The following DCBLD2 variants were observed in gnomAD, a reference collection of about 807,000 sequenced individuals.
The protein encoded by DCBLD2 is discoidin, CUB and LCCL domain-containing protein 2.
DCBLD2 carries 54 observed loss-of-function variants against 86.8 expected under a neutral mutation model. That is an observed-to-expected ratio of 0.62 (90% confidence interval 0.50 to 0.78). The LOEUF (loss-of-function observed/expected upper bound fraction) is 0.78, where lower values mean the gene tolerates loss of function less well. Ranked by LOEUF, DCBLD2 falls within the 30% of genes least tolerant of loss-of-function variation. The probability of loss-of-function intolerance (pLI) is 0.00; values close to 1 mark genes in which losing one functional copy is unlikely to be tolerated. For synonymous variants in DCBLD2, 354 were observed against 341.3 expected, an observed-to-expected ratio of 1.04 and a Z score of -0.41; for missense variants, 908 against 954.2, an observed-to-expected ratio of 0.95 and a Z score of 0.64.
chr3:98,802,044 G>A (rs951076761), intron 13 of DCBLD2: 1 of 156,212 alleles, frequency 6.4e-6, no homozygotes, highest in African/African-American at 2.4e-5. Flanking sequence ...ATAGCAGCAT[G>A]ATTTATAATC....
At chr3:98,845,035 A>T (rs62278522) in intron 3 of DCBLD2, among the ~76,000 whole-genome samples, 4,762 of 152,298 alleles carry the variant, frequency 0.031, 105 homozygotes, top group Middle Eastern at 0.075. Context: ...TTTAGAGTAG[A>T]AATTATTAGT....
intron 3 of DCBLD2, among the ~76,000 whole-genome samples, chr3:98,838,864 GCGAAACCC>G (rs2107470880): frequency 6.6e-6 from 1 of 152,186 alleles, no homozygotes; most frequent in South Asian, 2.1e-4. Flanking sequence ...GGCCAACACA[GCGAAACCC>G]CGTCTCCACC....
At chr3:98,866,861 T>A (rs922105371) in intron 2 of DCBLD2, among the ~76,000 whole-genome samples, 1 of 152,258 alleles carries the variant, frequency 6.6e-6, no homozygotes, top group East Asian at 1.9e-4. Flanking sequence ...AAGTCTTTAA[T>A]CCATCTTGAA....
chr3:98,816,038 G>A (rs1488587368), intron 9 of DCBLD2: 5 of 142,212 alleles, frequency 3.5e-5, no homozygotes, highest in East Asian at 2.0e-4. Context: ...AGAACCCCAC[G>A]CAAAAAAAAA....
chr3:98,811,508 A>G lies in DCBLD2; in HGVS notation c.1410T>C (p.Asn470=), dbSNP rs200283275. Residue 470 remains asparagine (N), a synonymous_variant, in exon 11 of 16, where the codon AAT becomes AAC. Transcript: ENST00000326840. ...GAGGGGCTGTAGTGTTTTTGAGGTC[A>G]TTGCTGTTCCGAGGAGGTGGAGGTT... The part of the protein sequence containing the change: ...LTQPPPPRNS[N]DLKNTTAPPK... 214 of 1,611,256 alleles carry G rather than the reference A, an allele frequency of 1.3e-4. No homozygotes were observed. The highest frequency in any genetic ancestry group is 1.7e-4 in the Non-Finnish European group (199 of 1,179,002).
chr3:98,860,675 G>A (rs1241036961), intron 2 of DCBLD2, among the ~76,000 whole-genome samples: 2 of 152,162 alleles, frequency 1.3e-5, no homozygotes, highest in East Asian at 3.8e-4. Flanking sequence ...AGCAAACGCT[G>A]ACAGATTTTG....
intron 1 of DCBLD2, among the ~76,000 whole-genome samples, chr3:98,897,821 T>G (rs1287407126): frequency 6.6e-6 from 1 of 152,118 alleles, no homozygotes; most frequent in Non-Finnish European, 1.5e-5. Flanking sequence ...CAAATTACAT[T>G]CTAACCAAGA....
At position 98,862,499 on chromosome 3, in the gene DCBLD2, C is replaced by T. The variant is rs148943920; in HGVS notation, c.434-12901G>A. ...AATACTGGCAAACCGAATCCAGCAG[C>T]ACATCAAAAAGTTTATCCACCACGA... On this transcript the variant is annotated intron_variant, in intron 2 of 15. Transcript: ENST00000326840. Among the ~76,000 whole-genome samples, 488 of 152,308 alleles carry T rather than the reference C, an allele frequency of 3.2e-3. 3 individuals are homozygous for T. The highest frequency in any genetic ancestry group is 0.011 in the African/African-American group (475 of 41,568).
At chr3:98,869,113 C>T (rs1943214054) in intron 2 of DCBLD2, among the ~76,000 whole-genome samples, 1 of 152,142 alleles carries the variant, frequency 6.6e-6, no homozygotes, top group South Asian at 2.1e-4. Context: ...TCTGCGCCAA[C>T]ATCTATTGTT....
intron 3 of DCBLD2, among the ~76,000 whole-genome samples, chr3:98,841,841 T>C (rs1461291448): frequency 6.6e-6 from 1 of 152,148 alleles, no homozygotes; most frequent in Non-Finnish European, 1.5e-5. Flanking sequence ...GGCAGGCAGA[T>C]CACGAGGTCA....
At chr3:98,855,747 T>C (rs943499888) in intron 2 of DCBLD2, among the ~76,000 whole-genome samples, 7 of 152,186 alleles carry the variant, frequency 4.6e-5, no homozygotes, top group Non-Finnish European at 7.4e-5. Context: ...TGGGCTGAAA[T>C]ATTCATAAGG....
At chr3:98,884,828 C>T (rs528381892) in intron 1 of DCBLD2, among the ~76,000 whole-genome samples, 8 of 152,212 alleles carry the variant, frequency 5.3e-5, no homozygotes, top group Admixed American at 5.2e-4. Flanking sequence ...GCTGAATCTA[C>T]GACTTTGTAG....
chr3:98,879,360 T>C (rs1217748925), intron 2 of DCBLD2, among the ~76,000 whole-genome samples: 1 of 152,220 alleles, frequency 6.6e-6, no homozygotes, highest in Non-Finnish European at 1.5e-5. Flanking sequence ...CATCACTGAA[T>C]GCCCAATGCT....
intron 1 of DCBLD2, among the ~76,000 whole-genome samples, chr3:98,885,411 T>C (rs1414990149): frequency 1.6e-5 from 2 of 121,674 alleles, no homozygotes; most frequent in Admixed American, 7.9e-5. Flanking sequence ...GCTAGACATA[T>C]ACATATTTTT....
At chr3:98,822,410 T>C (rs1448915840) in intron 5 of DCBLD2, 49 bp from the exon 6 acceptor site, 1 of 1,577,348 alleles carries the variant, frequency 6.3e-7, no homozygotes, top group Non-Finnish European at 8.6e-7. Context: ...CTCTTAATAA[T>C]TCATAAACAA....
At chr3:98,865,704 C>CT (rs908569479) in intron 2 of DCBLD2, among the ~76,000 whole-genome samples, 8 of 134,888 alleles carry the variant, frequency 5.9e-5, no homozygotes, top group African/African-American at 2.2e-4. Context: ...ATACAATTTT[C>CT]TTTTTTTATA....
intron 4 of DCBLD2, among the ~76,000 whole-genome samples, chr3:98,823,399 C>T (rs187082163): frequency 1.7e-3 from 263 of 152,190 alleles, no homozygotes; most frequent in Admixed American, 6.5e-3. Context: ...TTTTACCAAC[C>T]CTCTATTGAT....
intron 2 of DCBLD2, among the ~76,000 whole-genome samples, chr3:98,851,855 T>C (rs1942842940): frequency 6.6e-6 from 1 of 152,248 alleles, no homozygotes; most frequent in Non-Finnish European, 1.5e-5. Flanking sequence ...TAATAAATGC[T>C]GTTGGGAAAA....
intron 2 of DCBLD2, among the ~76,000 whole-genome samples, chr3:98,852,696 T>C (rs960201475): frequency 6.6e-6 from 1 of 152,192 alleles, no homozygotes; most frequent in African/African-American, 2.4e-5. Flanking sequence ...GGTTGCAGAA[T>C]TGGAAATAAG....
Sources: gnomAD v4.1 joint callset for allele counts (sites outside exome capture counted in the v4.1 genomes callset) on GRCh38, gnomAD v4.1.1 for gene constraint, MANE v1.5 for transcripts, NCBI Gene and HGNC (gene_info 2026-07-23, HGNC 2026-07-21) for gene names.